PDZD2: variants seen among roughly 807,000 people sequenced by gnomAD.
The protein encoded by PDZD2 is PDZ domain containing 2, also known as PDZ domain-containing protein 2.
In PDZD2, 90 loss-of-function variants were observed where a neutral mutation model predicts 220.7. The ratio of observed to expected loss-of-function variants is 0.41; its 90% CI spans 0.34 to 0.49. The LOEUF is 0.49. PDZD2 is among the 20% of genes least tolerant of loss of function. The pLI, the probability that PDZD2 is intolerant of heterozygous loss-of-function variation, is 0.28. For synonymous variants in PDZD2, 1,375 were observed against 1,450.5 expected, an observed-to-expected ratio of 0.95 and a Z score of 1.18; for missense variants, 3,174 against 3,608.5, an observed-to-expected ratio of 0.88 and a Z score of 3.08.
intron 1 of PDZD2, among the ~76,000 whole-genome samples, chr5:31,720,413 A>T (rs930485947): frequency 1.3e-5 from 2 of 152,166 alleles, no homozygotes; most frequent in Non-Finnish European, 2.9e-5. Context: ...AAAATGCTAT[A>T]CTCGAGGTAT....
chr5:31,668,233 T>G (rs1746081576), intron 1 of PDZD2, among the ~76,000 whole-genome samples: 1 of 152,138 alleles, frequency 6.6e-6, no homozygotes, highest in Non-Finnish European at 1.5e-5. Context: ...TTACAGGAAT[T>G]TGCTTTTCGG....
intron 1 of PDZD2, among the ~76,000 whole-genome samples, chr5:31,657,054 G>A (rs1309123018): frequency 2.0e-5 from 3 of 152,174 alleles, no homozygotes; most frequent in Non-Finnish European, 4.4e-5. Context: ...ATGTCATACT[G>A]AGACAGGAAA....
intron 1 of PDZD2, among the ~76,000 whole-genome samples, chr5:31,674,982 G>A (rs566893798): frequency 1.3e-5 from 2 of 152,332 alleles, no homozygotes; most frequent in African/African-American, 4.8e-5. Flanking sequence ...TCCCTGTTCT[G>A]TGCTAACCAC....
intron 1 of PDZD2, among the ~76,000 whole-genome samples, chr5:31,769,430 G>A (rs181925532): frequency 8.1e-4 from 123 of 152,308 alleles, no homozygotes; most frequent in African/African-American, 2.8e-3. Flanking sequence ...AATGTTTCCC[G>A]ATTACGAATT....
In PDZD2 at chr5:32,087,287, C is replaced by A; in HGVS notation, c.3839C>A (p.Ser1280Tyr). Reference protein sequence around the residue: ...SPRVTKCKARSPVRLPHEGSP... With the variant: ...SPRVTKCKARYPVRLPHEGSP... ...AGGGTCACCAAGTGCAAGGCCAGGT[C>A]TCCAGTCAGGCTCCCCCATGAGGGC... The change falls in exon 20 of 25, where the codon TCT becomes TAT. Residue 1280 changes from serine to tyrosine, a missense_variant. This residue lies in a region of PDZD2 where 1,861 missense variants were observed against 2,001.0 expected (regional missense o/e 0.93). Coordinates refer to ENST00000438447, the MANE Select transcript of PDZD2 (RefSeq NM_178140.4). This position sits in a 1 kb window ranked among gnomAD's most constrained non-coding sequence, Gnocchi z 4.0. 6.2e-7 allele frequency: 1 copy of A among 1,614,198 alleles called. No individual in the cohort carries two copies. Among genetic ancestry groups the A allele is most frequent in the Non-Finnish European group, 8.5e-7 (1 of 1,180,030 alleles).
chr5:31,642,304 T>A (rs1423562614), intron 1 of PDZD2, among the ~76,000 whole-genome samples: 1 of 152,038 alleles, frequency 6.6e-6, no homozygotes, highest in East Asian at 1.9e-4. Flanking sequence ...GATGCTGAGG[T>A]CAGAGTTGAG....
At chr5:31,690,131 G>T (rs1747059507) in intron 1 of PDZD2, among the ~76,000 whole-genome samples, 1 of 152,044 alleles carries the variant, frequency 6.6e-6, no homozygotes, top group Non-Finnish European at 1.5e-5. Flanking sequence ...AAATCCCTAA[G>T]GTGGTTGCAA....
chr5:32,012,406 C>T (rs988526919), intron 6 of PDZD2, among the ~76,000 whole-genome samples: 7 of 152,152 alleles, frequency 4.6e-5, no homozygotes, highest in South Asian at 2.1e-4. Context: ...TTTTTAGAGA[C>T]GGAGTCTTGC....
chr5:31,727,686 A>G (rs988499754), intron 1 of PDZD2, among the ~76,000 whole-genome samples: 2 of 133,844 alleles, frequency 1.5e-5, no homozygotes, highest in African/African-American at 5.7e-5. Context: ...GGCAACAAGT[A>G]GCAAAGCTCA....
rs543597245 is a variant in PDZD2 at position 31,907,452 on chromosome 5, CAT to C, written c.477-75702_477-75701del. Among the ~76,000 whole-genome samples, 314 of 152,302 alleles carry C rather than the reference CAT, an allele frequency of 2.1e-3. 3 individuals carry two copies. The highest frequency in any genetic ancestry group is 3.5e-3 in the Non-Finnish European group (240 of 68,026). On this transcript the variant is annotated intron_variant, in intron 2 of 24. Coordinates refer to ENST00000438447, the MANE Select transcript of PDZD2 (RefSeq NM_178140.4). Reference sequence around the variant, plus strand: ...ATCACATTGGGGATTAGGGCTCTAACATGTGTATTTTGAGAGGGGACACAGTT... The same window carrying C: ...ATCACATTGGGGATTAGGGCTCTAACGTGTATTTTGAGAGGGGACACAGTT...
At chr5:31,740,640 G>T (rs1750201453) in intron 1 of PDZD2, among the ~76,000 whole-genome samples, 1 of 149,232 alleles carries the variant, frequency 6.7e-6, no homozygotes, top group Non-Finnish European at 1.5e-5. Flanking sequence ...TAATTTTTCA[G>T]TCAGAGCTGT....
intron 2 of PDZD2, 95 bp from the exon 3 acceptor site, chr5:31,983,060 G>T: frequency 1.5e-6 from 2 of 1,317,446 alleles, no homozygotes; most frequent in Admixed American, 2.2e-5. Context: ...CGGCCAACTG[G>T]TCGTCACTTG....
intron 1 of PDZD2, among the ~76,000 whole-genome samples, chr5:31,718,779 C>T (rs1748609587): frequency 6.8e-6 from 1 of 146,910 alleles, no homozygotes; most frequent in African/African-American, 2.5e-5. Flanking sequence ...CGGCTCACTG[C>T]AACCTCCACC....
At chr5:31,998,183 A>G (rs1751793586) in intron 4 of PDZD2, among the ~76,000 whole-genome samples, 1 of 151,968 alleles carries the variant, frequency 6.6e-6, no homozygotes, top group Admixed American at 6.6e-5. Context: ...TGATTCCTCA[A>G]TCCCTCTCCT....
chr5:31,699,818 A>G (rs1301827367), intron 1 of PDZD2, among the ~76,000 whole-genome samples: 2 of 147,316 alleles, frequency 1.4e-5, no homozygotes, highest in East Asian at 2.0e-4. Context: ...TTTAGTAGAG[A>G]TAGGGTTTCA....
chr5:32,095,865 C>T (rs891290148), intron 21 of PDZD2, among the ~76,000 whole-genome samples: 2 of 150,876 alleles, frequency 1.3e-5, no homozygotes, highest in Admixed American at 6.6e-5. Context: ...CTCAGCCTCC[C>T]GAGTAGCTGG....
At chr5:31,848,045 G>T in intron 2 of PDZD2, 1 of 367,526 alleles carries the variant, frequency 2.7e-6, no homozygotes, top group South Asian at 2.6e-5. Flanking sequence ...GAAAGAAGTT[G>T]AAAAGCAGAG....
intron 2 of PDZD2, among the ~76,000 whole-genome samples, chr5:31,901,704 C>A (rs1339932086): frequency 1.3e-5 from 2 of 152,000 alleles, no homozygotes; most frequent in Admixed American, 6.6e-5. Context: ...ATCACATTAT[C>A]TACTTTTAGA....
intron 2 of PDZD2, among the ~76,000 whole-genome samples, chr5:31,826,848 T>G (rs1043616472): frequency 8.5e-5 from 13 of 152,122 alleles, no homozygotes; most frequent in African/African-American, 3.1e-4. Flanking sequence ...CATTCACAGA[T>G]GAGGAAATAT....
Sources: gnomAD v4.1 joint callset for allele counts (sites outside exome capture counted in the v4.1 genomes callset) on GRCh38, gnomAD v4.1.1 for gene constraint, gnomAD v4.1.1 regional missense constraint, Gnocchi (gnomAD v3.1) non-coding constraint, MANE v1.5 for transcripts, NCBI Gene and HGNC (gene_info 2026-07-23, HGNC 2026-07-21) for gene names.